ASTN1: variants seen among roughly 807,000 people sequenced by gnomAD.
ASTN1 encodes the protein astrotactin-1.
In ASTN1, 41 loss-of-function variants were observed where a neutral mutation model predicts 140.7. The ratio of observed to expected loss-of-function variants is 0.29; its 90% CI spans 0.23 to 0.38. The LOEUF (loss-of-function observed/expected upper bound fraction) is 0.38. Ranked by LOEUF, ASTN1 falls within the 10% of genes least tolerant of loss-of-function variation. The probability of loss-of-function intolerance (pLI) is 1.00; values close to 1 mark genes in which losing one functional copy is unlikely to be tolerated. For synonymous variants in ASTN1, 640 were observed against 652.2 expected, an observed-to-expected ratio of 0.98 and a Z score of 0.29; for missense variants, 1,479 against 1,678.8, an observed-to-expected ratio of 0.88 and a Z score of 2.08.
At chr1:177,159,886 A>G (rs888590208) in intron 1 of ASTN1, among the ~76,000 whole-genome samples, 58 of 152,252 alleles carry the variant, frequency 3.8e-4, no homozygotes, top group African/African-American at 1.4e-3. Flanking sequence ...CCTGAACCTG[A>G]AAACTATAAA....
chr1:177,011,767 GACCAGGAA>G (rs1222063204), intron 8 of ASTN1, among the ~76,000 whole-genome samples: 1 of 151,716 alleles, frequency 6.6e-6, no homozygotes, highest in Non-Finnish European at 1.5e-5. Flanking sequence ...GCACATTCAG[GACCAGGAA>G]ACTAGAAGGA....
At chr1:176,869,235 T>C (rs967370728) in intron 21 of ASTN1, among the ~76,000 whole-genome samples, 10 of 152,052 alleles carry the variant, frequency 6.6e-5, no homozygotes, top group African/African-American at 2.4e-4. Flanking sequence ...TATATACATA[T>C]ATGCATGTTT....
At chr1:176,978,020 G>C (rs373808032) in intron 8 of ASTN1, among the ~76,000 whole-genome samples, 1 of 152,220 alleles carries the variant, frequency 6.6e-6, no homozygotes, top group African/African-American at 2.4e-5. Flanking sequence ...CATGGAAAAG[G>C]CTCAGTCAGG....
intron 2 of ASTN1, among the ~76,000 whole-genome samples, chr1:177,049,296 T>C (rs1280830691): frequency 6.6e-6 from 1 of 152,208 alleles, no homozygotes; most frequent in Non-Finnish European, 1.5e-5. Flanking sequence ...GACATGTTTA[T>C]GTTATCATTT....
Position 176,876,553 on chromosome 1 carries a change from A to T in ASTN1, c.3447T>A (p.Asp1149Glu). The change falls in exon 21 of 23, where the codon GAT (aspartate) becomes GAA (glutamate). Residue 1149 changes from aspartate (D) to glutamate (E), a missense_variant. Transcript: ENST00000361833. Reference protein sequence around the residue: ...VIVKTPCPVVDDVKAQEIADK... With the variant: ...VIVKTPCPVVEDVKAQEIADK... ...GTCTCTTACCTTGAGCCTTGACATC[A>T]TCCACCACGGGGCATGGGGTCTTCA... The T allele has an allele frequency of 6.2e-7, 1 of 1,614,190 alleles. No individual in the cohort carries two copies. Among genetic ancestry groups the T allele is most frequent in the Non-Finnish European group, 8.5e-7 (1 of 1,180,020 alleles).
intron 1 of ASTN1, among the ~76,000 whole-genome samples, chr1:177,073,659 T>G (rs1484882771): frequency 7.3e-5 from 11 of 150,160 alleles, no homozygotes; most frequent in Admixed American, 3.3e-4. Flanking sequence ...TTTCTGTGCA[T>G]GTTCGCTGGG....
At chr1:177,093,229 T>A (rs1166070259) in intron 1 of ASTN1, among the ~76,000 whole-genome samples, 1 of 152,230 alleles carries the variant, frequency 6.6e-6, no homozygotes, top group Non-Finnish European at 1.5e-5. Context: ...TTAGTTGGAC[T>A]AGCATTCTGC....
chr1:177,021,650 A>G (rs533051407), intron 7 of ASTN1, among the ~76,000 whole-genome samples: 2 of 152,328 alleles, frequency 1.3e-5, no homozygotes, highest in African/African-American at 4.8e-5. Flanking sequence ...TTTATCATTG[A>G]GACCCCTCCA....
intron 22 of ASTN1, among the ~76,000 whole-genome samples, chr1:176,867,479 G>T (rs944388483): frequency 2.0e-5 from 3 of 151,896 alleles, no homozygotes; most frequent in African/African-American, 7.3e-5. Context: ...TTCTTAACAT[G>T]TATCTACTTT....
At chr1:176,905,802 C>A (rs538213774) in intron 16 of ASTN1, among the ~76,000 whole-genome samples, 1 of 152,204 alleles carries the variant, frequency 6.6e-6, no homozygotes, top group African/African-American at 2.4e-5. Flanking sequence ...GTCTCTGCAG[C>A]TGCCTCTCCC....
intron 1 of ASTN1, among the ~76,000 whole-genome samples, chr1:177,155,450 C>T (rs893552853): frequency 6.6e-6 from 1 of 152,236 alleles, no homozygotes; most frequent in Non-Finnish European, 1.5e-5. Flanking sequence ...TATGAACAAC[C>T]TCACTGGAAG....
Position 177,014,856 on chromosome 1 carries a change from T to C in ASTN1, c.1458A>G (p.Glu486=). The change falls in exon 8 of 23, where the codon GAA becomes GAG. Residue 486 remains glutamate, a synonymous_variant. Transcript: ENST00000361833. ...TATGTACTGGATCCTTCATGTAGCC[T>C]TCATAGCAGAGGCATTCCCCTTAGA... ...DPETGECLCY[E]GYMKDPVHKH... The C allele has an allele frequency of 6.2e-7, 1 of 1,613,638 alleles. No homozygotes were observed. The highest frequency in any genetic ancestry group is 8.5e-7 in the Non-Finnish European group (1 of 1,179,682).
chr1:176,934,781 T>A (rs536178460), intron 15 of ASTN1, among the ~76,000 whole-genome samples: 3 of 152,194 alleles, frequency 2.0e-5, no homozygotes, highest in Admixed American at 2.0e-4. Context: ...ATGAAACTTC[T>A]GTTGTGTGCA....
chr1:177,042,624 T>C (rs560812987), intron 2 of ASTN1, among the ~76,000 whole-genome samples: 4 of 152,344 alleles, frequency 2.6e-5, no homozygotes, highest in South Asian at 2.1e-4. Flanking sequence ...TAGCACCTAA[T>C]GAATTATACT....
intron 1 of ASTN1, among the ~76,000 whole-genome samples, chr1:177,125,056 T>TAG (rs1558113553): frequency 6.6e-6 from 1 of 152,188 alleles, no homozygotes; most frequent in African/African-American, 2.4e-5. Flanking sequence ...GCTTAAAATA[T>TAG]AGTTAGAGTA....
chr1:177,085,896 A>G lies in ASTN1; in HGVS notation c.284-24631T>C, dbSNP rs141156780. On this transcript the variant is annotated intron_variant, in intron 1 of 22. Transcript: ENST00000361833. ...ACAGACCTACACCAACCTCCTCATT[A>G]TAGGATGACATAACAGAGTTTAGAC... 1.7e-3 allele frequency among the ~76,000 whole-genome samples: 262 copies of G among 152,288 alleles called. 4 individuals are homozygous for G. In the East Asian group the frequency reaches 0.049, roughly 28 times the overall value.
At chr1:176,926,165 C>G (rs1254346513) in intron 16 of ASTN1, among the ~76,000 whole-genome samples, 1 of 151,718 alleles carries the variant, frequency 6.6e-6, no homozygotes, top group East Asian at 1.9e-4. Flanking sequence ...ACATGCACAT[C>G]ATTTAAGCTC....
At chr1:177,044,741 C>T (rs1677140286) in intron 2 of ASTN1, among the ~76,000 whole-genome samples, 1 of 152,258 alleles carries the variant, frequency 6.6e-6, no homozygotes, top group Admixed American at 6.5e-5. Flanking sequence ...ACAAGGCCGA[C>T]ATCATCCGCT....
chr1:176,911,022 G>T (rs1670214828), intron 16 of ASTN1, among the ~76,000 whole-genome samples: 1 of 152,194 alleles, frequency 6.6e-6, no homozygotes, highest in African/African-American at 2.4e-5. Context: ...CCAAAAAGGT[G>T]GGGGATCACT....
Sources: allele counts gnomAD v4.1 joint callset (sites outside exome capture counted in the v4.1 genomes callset), GRCh38; gene constraint gnomAD v4.1.1; transcripts MANE v1.5; gene names NCBI Gene and HGNC (gene_info 2026-07-23, HGNC 2026-07-21).